Variants in PCCA observed in about 807,000 individuals in gnomAD.
PCCA encodes the protein propionyl-CoA carboxylase subunit alpha.
A neutral mutation model predicts 101.3 loss-of-function variants in PCCA; 74 were observed. The observed-to-expected ratio is 0.73, with a 90% CI of 0.61 to 0.89. The LOEUF (loss-of-function observed/expected upper bound fraction) is 0.89, where lower values mean the gene tolerates loss of function less well. PCCA is among the 40% of genes least tolerant of loss of function. The probability of loss-of-function intolerance (pLI) is 0.00; values close to 1 mark genes in which losing one functional copy is unlikely to be tolerated. For missense variants in PCCA, 891 were observed against 907.0 expected, an observed-to-expected ratio of 0.98 and a Z score of 0.23; for synonymous variants, 294 against 313.6, an observed-to-expected ratio of 0.94 and a Z score of 0.66.
intron 8 of PCCA, 130 bp downstream of exon 8, chr13:100,236,008 T>C: frequency 2.9e-6 from 2 of 681,956 alleles, no homozygotes; most frequent in Non-Finnish European, 5.4e-6. Flanking sequence ...TACTTGTTGC[T>C]CTGGAAGAAT....
At chr13:100,202,416 T>C (rs2058580092) in intron 6 of PCCA, among the ~76,000 whole-genome samples, 2 of 152,156 alleles carry the variant, frequency 1.3e-5, no homozygotes, top group East Asian at 1.9e-4. Flanking sequence ...CATTTTCTTT[T>C]GGTATAAAAT....
chr13:100,343,491 CAT>C (rs2071705864), intron 18 of PCCA, among the ~76,000 whole-genome samples: 1 of 152,144 alleles, frequency 6.6e-6, no homozygotes, highest in Non-Finnish European at 1.5e-5. Flanking sequence ...TCAGAAATAA[CAT>C]GTGAAGAGAC....
chr13:100,214,016 C>T (rs530847283), intron 7 of PCCA, among the ~76,000 whole-genome samples: 1 of 152,224 alleles, frequency 6.6e-6, no homozygotes, highest in Non-Finnish European at 1.5e-5. Context: ...ATTCTTGGCA[C>T]CTTTGTCAAG....
intron 8 of PCCA, among the ~76,000 whole-genome samples, chr13:100,253,157 CTTAT>C (rs1428811683): frequency 2.0e-5 from 3 of 152,158 alleles, no homozygotes; most frequent in Admixed American, 6.6e-5. Context: ...CATACATGCA[CTTAT>C]TTATTTATAT....
intron 7 of PCCA, 89 bp from the exon 8 acceptor site, chr13:100,235,753 G>A (rs1475328413): frequency 2.2e-5 from 18 of 829,962 alleles, no homozygotes; most frequent in Non-Finnish European, 3.9e-5. Flanking sequence ...ATGAATCGGA[G>A]GAGACAGTAG....
chr13:100,477,470 T>C (rs1445097197), intron 21 of PCCA: 3 of 152,228 alleles, frequency 2.0e-5, no homozygotes, highest in Non-Finnish European at 4.4e-5. Context: ...ATTTTCTGCA[T>C]GTTAATGATT....
chr13:100,225,474 G>A (rs1184922297), intron 7 of PCCA, among the ~76,000 whole-genome samples: 1 of 151,902 alleles, frequency 6.6e-6, no homozygotes, highest in Non-Finnish European at 1.5e-5. Context: ...AGTAGTAATT[G>A]TTTTTATCAC....
At chr13:100,451,246 T>C (rs1375504202) in intron 21 of PCCA, among the ~76,000 whole-genome samples, 3 of 152,176 alleles carry the variant, frequency 2.0e-5, no homozygotes, top group Non-Finnish European at 2.9e-5. Context: ...ATGATACATC[T>C]CAGTGTTTGA....
intron 21 of PCCA, among the ~76,000 whole-genome samples, chr13:100,483,866 G>A (rs753808822): frequency 3.9e-5 from 6 of 152,122 alleles, no homozygotes; most frequent in African/African-American, 4.8e-5. Context: ...GTGAAGTGAT[G>A]GGTTGGAATC....
chr13:100,351,451 A>G (rs1285166960), intron 18 of PCCA, among the ~76,000 whole-genome samples: 3 of 152,112 alleles, frequency 2.0e-5, no homozygotes, highest in African/African-American at 7.2e-5. Flanking sequence ...GTTCGTATAT[A>G]TGAAGATTTG....
intron 21 of PCCA, among the ~76,000 whole-genome samples, chr13:100,512,217 C>T (rs1325939647): frequency 6.6e-6 from 1 of 152,172 alleles, no homozygotes; most frequent in African/African-American, 2.4e-5. Context: ...CCTCCTGACC[C>T]TTTCATGTCA....
chr13:100,303,527 C>T (rs2066224768), intron 14 of PCCA, among the ~76,000 whole-genome samples: 1 of 151,932 alleles, frequency 6.6e-6, no homozygotes, highest in African/African-American at 2.4e-5. Context: ...TTCCATAGCT[C>T]TTCTGTATTT....
At chr13:100,117,009 A>G (rs1343809039) in intron 4 of PCCA, among the ~76,000 whole-genome samples, 1 of 152,172 alleles carries the variant, frequency 6.6e-6, no homozygotes, top group Non-Finnish European at 1.5e-5. Context: ...TTAAATTTAT[A>G]AGAAGCTGCT....
chr13:100,485,463 TGG>T (rs2084303349), intron 21 of PCCA, among the ~76,000 whole-genome samples: 1 of 152,208 alleles, frequency 6.6e-6, no homozygotes, highest in Non-Finnish European at 1.5e-5. Flanking sequence ...AGCACATGTG[TGG>T]TGAGCATTTC....
At chr13:100,225,033 A>G (rs2060069825) in intron 7 of PCCA, among the ~76,000 whole-genome samples, 1 of 152,248 alleles carries the variant, frequency 6.6e-6, no homozygotes, top group Non-Finnish European at 1.5e-5. Context: ...AAGAGTTAAC[A>G]TGACAGAATT....
At position 100,359,177 on chromosome 13, in the gene PCCA, A is replaced by G. The variant is rs149001393; in HGVS notation, c.1644-9295A>G. Among the ~76,000 whole-genome samples, 174 of 152,166 alleles carry G rather than the reference A, an allele frequency of 1.1e-3. 1 individual carries two copies. The highest frequency in any genetic ancestry group is 3.7e-3 in the African/African-American group (154 of 41,538). On this transcript the variant is annotated intron_variant, in intron 18 of 23. Transcript: ENST00000376285. Reference sequence around the variant, plus strand: ...ACAGCCTCGGTGACTTGTGGGCACTATAAGTTATCAGGAAGCATGTATTAG... The same window carrying G: ...ACAGCCTCGGTGACTTGTGGGCACTGTAAGTTATCAGGAAGCATGTATTAG...
chr13:100,293,254 G>A (rs2065272894), intron 12 of PCCA: 1 of 471,346 alleles, frequency 2.1e-6, no homozygotes, highest in Admixed American at 2.4e-5. Flanking sequence ...TGGAAGGAAA[G>A]GTACAGTACA....
chr13:100,107,928 G>A (rs1388123994), intron 2 of PCCA, among the ~76,000 whole-genome samples: 1 of 152,230 alleles, frequency 6.6e-6, no homozygotes, highest in Non-Finnish European at 1.5e-5. Context: ...CCCATGGATA[G>A]TGAGTAGCTG....
At chr13:100,141,810 G>C (rs919478698) in intron 4 of PCCA, among the ~76,000 whole-genome samples, 2 of 152,164 alleles carry the variant, frequency 1.3e-5, no homozygotes, top group African/African-American at 4.8e-5. Context: ...TTTATACCTT[G>C]CTGTAATAAA....
Sources: allele counts gnomAD v4.1 joint callset (sites outside exome capture counted in the v4.1 genomes callset), GRCh38; gene constraint gnomAD v4.1.1; transcripts MANE v1.5; gene names NCBI Gene and HGNC (gene_info 2026-07-23, HGNC 2026-07-21).